RAB20: variants seen among roughly 807,000 people sequenced by gnomAD.
RAB20 encodes the protein RAB20, member RAS oncogene family.
A neutral mutation model predicts 3.7 loss-of-function variants in RAB20; 2 were observed. That is an observed-to-expected ratio of 0.54 (90% CI 0.22 to 1.69). The LOEUF (loss-of-function observed/expected upper bound fraction) is 1.69. Among genes scored for constraint, RAB20 ranks in the 40% most tolerant of loss-of-function variants. The pLI, the probability that RAB20 is intolerant of heterozygous loss-of-function variation, is 0.19. For synonymous variants in RAB20, 126 were observed against 130.8 expected, an observed-to-expected ratio of 0.96 and a Z score of 0.25; for missense variants, 276 against 311.9, an observed-to-expected ratio of 0.88 and a Z score of 0.87.
chr13:110,542,161 G>A (rs746013791), intron 1 of RAB20, among the ~76,000 whole-genome samples: 9 of 152,098 alleles, frequency 5.9e-5, no homozygotes, highest in East Asian at 1.9e-4. Context: ...TAATCAGAAC[G>A]CTTGCTGTAT....
intron 1 of RAB20, among the ~76,000 whole-genome samples, chr13:110,558,727 T>A (rs1289443363): frequency 2.3e-4 from 27 of 116,760 alleles, no homozygotes; most frequent in African/African-American, 7.4e-4. Flanking sequence ...TGAGACAGAG[T>A]CTCGCTCTGT....
At chr13:110,553,253 C>T (rs3886455) in intron 1 of RAB20, among the ~76,000 whole-genome samples, 2 of 152,188 alleles carry the variant, frequency 1.3e-5, no homozygotes, top group East Asian at 1.9e-4. Context: ...ATCTTTTGTT[C>T]AGTAGGAGCT....
At chr13:110,552,393 AT>A (rs1884967917) in intron 1 of RAB20, among the ~76,000 whole-genome samples, 1 of 146,346 alleles carries the variant, frequency 6.8e-6, no homozygotes. Context: ...AAAAAAAAAA[AT>A]TAAAAATAAA....
At chr13:110,524,716 G>A (rs1459489004) in intron 1 of RAB20, among the ~76,000 whole-genome samples, 1 of 152,188 alleles carries the variant, frequency 6.6e-6, no homozygotes. Context: ...GAAGTGCTGC[G>A]GGGAGGGCTT....
rs1164445964 is a variant in RAB20, at chr13:110,536,721, T to TTGGGCGGGGG, written c.173-12525_173-12524insCCCCCGCCCA. ...AGGAATATCTAAAATGGCTTTTTTT[T>TTGGGCGGGGG]GGGGCGGTGGGGGGGGGTTGTTTTT... is the stretch of plus-strand genomic sequence containing the variant. On this transcript the variant is annotated intron_variant, in intron 1 of 1. Transcript: ENST00000267328. Among the ~76,000 whole-genome samples the TTGGGCGGGGG allele has an allele frequency of 2.7e-4, 2 of 7,456 alleles. 1 individual carries two copies. The highest frequency in any genetic ancestry group is 4.5e-4 in the Non-Finnish European group (2 of 4,454). The allele number at this position is 7,456 out of a possible 152,430, so 4.9% of individuals were successfully genotyped here.
At chr13:110,529,278 G>A (rs571097958) in intron 1 of RAB20, among the ~76,000 whole-genome samples, 6 of 152,214 alleles carry the variant, frequency 3.9e-5, no homozygotes, top group African/African-American at 7.2e-5. Flanking sequence ...GAGCCGGGCC[G>A]TCAGCCCCCT....
rs1885073003 is a variant in RAB20 at position 110,558,335 on chromosome 13, G to A, written c.172+3013C>T. ...AATGAGACAAGGTGAGTTGGAGTTG[G>A]ATGAACCAAGGTCTAAATCCCACTT... On this transcript the variant is annotated intron_variant, in intron 1 of 1. Transcript: ENST00000267328. Among the ~76,000 whole-genome samples the A allele has an allele frequency of 2.0e-5, 3 of 151,558 alleles. No homozygotes were observed. In the South Asian group the frequency reaches 6.3e-4, roughly 32 times the overall value.
At position 110,555,968 on chromosome 13, in the gene RAB20, GT is replaced by G. The variant is rs1195826958; in HGVS notation, c.172+5379del. Among the ~76,000 whole-genome samples, 7 of 152,208 alleles carry G rather than the reference GT, an allele frequency of 4.6e-5. 1 individual carries two copies. Among genetic ancestry groups the G allele is most frequent in the Admixed American group, 1.3e-4 (2 of 15,276 alleles). On this transcript the variant is annotated intron_variant, in intron 1 of 1. Coordinates refer to ENST00000267328, the MANE Select transcript of RAB20 (RefSeq NM_017817.3). This position sits in a 1 kb window ranked among gnomAD's most constrained non-coding sequence, Gnocchi z 4.0. ...CAGGCACCCAAGGCCAGGAGACAAT[GT>G]TTGTTTAGCAAAACTCACATGGTAC...
chr13:110,523,180 A>G lies in RAB20; in HGVS notation c.*485T>C. 1 of 403,194 alleles carries G rather than the reference A, an allele frequency of 2.5e-6. No individual in the cohort carries two copies. Among genetic ancestry groups the G allele is most frequent in the Non-Finnish European group, 4.4e-6 (1 of 229,314 alleles). The allele number at this position is 403,194 out of a possible 1,614,324, so 25.0% of individuals were successfully genotyped here. ...AATGAACACGTCGAGAGTCAGGATT[A>G]TAAAGCATCAAGATACAAGTACCAA... On this transcript the variant is annotated 3_prime_UTR_variant, in exon 2 of 2. Coordinates refer to ENST00000267328, the MANE Select transcript of RAB20 (RefSeq NM_017817.3).
At position 110,523,568 on chromosome 13, in the gene RAB20, A is replaced by C. The variant is rs907538326; in HGVS notation, c.*97T>G. The C allele has an allele frequency of 3.5e-5, 53 of 1,512,112 alleles. No individual in the cohort carries two copies. The African/African-American group carries it at 6.5e-4, about 19-fold the overall frequency. 93.7% of individuals were successfully genotyped at this position (1,512,112 alleles called of 1,614,324 possible). ...TCTGCTGCGGGTGTCATTCTGGAAAATAATTCCTTGCTGTTCCTTGCTCCT... is the reference window on the plus strand; with the variant it reads ...TCTGCTGCGGGTGTCATTCTGGAAACTAATTCCTTGCTGTTCCTTGCTCCT... On this transcript the variant is annotated 3_prime_UTR_variant, in exon 2 of 2. Transcript: ENST00000267328.
At chr13:110,554,181 A>G (rs1218176668) in intron 1 of RAB20, among the ~76,000 whole-genome samples, 3 of 152,338 alleles carry the variant, frequency 2.0e-5, no homozygotes, top group East Asian at 3.9e-4. Context: ...CAGGCTGTGC[A>G]TTCACTTTTG....
chr13:110,523,487 G>A lies in RAB20; in HGVS notation c.*178C>T. Reference sequence around the variant, plus strand: ...CCCCACCCCTCTGACAGAGACTGAGGAGACCACACACGTTGACCTCCTCTT... The same window carrying A: ...CCCCACCCCTCTGACAGAGACTGAGAAGACCACACACGTTGACCTCCTCTT... On this transcript the variant is annotated 3_prime_UTR_variant, in exon 2 of 2. Transcript: ENST00000267328. The A allele has an allele frequency of 4.9e-6, 6 of 1,216,748 alleles. No homozygotes were observed. The highest frequency in any genetic ancestry group is 6.7e-6 in the Non-Finnish European group (6 of 899,130). 75.4% of individuals were successfully genotyped at this position (1,216,748 alleles called of 1,614,324 possible). A position where few individuals can be genotyped will look rare whatever the true frequency, so the allele number is the denominator to read the frequency against.
intron 1 of RAB20, among the ~76,000 whole-genome samples, chr13:110,529,514 A>G (rs987286687): frequency 1.3e-5 from 2 of 152,222 alleles, no homozygotes; most frequent in Admixed American, 1.3e-4. Flanking sequence ...CTGGAGAAAT[A>G]AACAGCCTCA....
At chr13:110,554,192 C>T (rs916486883) in intron 1 of RAB20, among the ~76,000 whole-genome samples, 4 of 152,190 alleles carry the variant, frequency 2.6e-5, no homozygotes, top group African/African-American at 9.7e-5. Context: ...TTCACTTTTG[C>T]ACCAATCTCT....
chr13:110,560,589 T>A (rs2139593660), intron 1 of RAB20, among the ~76,000 whole-genome samples: 1 of 152,334 alleles, frequency 6.6e-6, no homozygotes, highest in South Asian at 2.1e-4. Flanking sequence ...AATATCTTAT[T>A]CTTTTGTAAG....
In RAB20 at chr13:110,524,211, A is replaced by C. The variant is rs1365396786; in HGVS notation, c.173-14T>G. On this transcript the variant is annotated splice_polypyrimidine_tract_variant and intron_variant, in intron 1 of 1. Transcript: ENST00000267328. The stretch of plus-strand genomic sequence containing the variant: ...ACTGCTCCCGCCCTGGTGGGAAGAG[A>C]GGGACAGAAAGAGTGGTTATCTCTC... The C allele has an allele frequency of 1.3e-6, 2 of 1,566,366 alleles. No homozygotes were observed. Among genetic ancestry groups the C allele is most frequent in the African/African-American group, 2.7e-5 (2 of 74,100 alleles).
chr13:110,534,120 CA>C (rs1263940063), intron 1 of RAB20, among the ~76,000 whole-genome samples: 1 of 152,214 alleles, frequency 6.6e-6, no homozygotes, highest in Non-Finnish European at 1.5e-5. Flanking sequence ...GCATTTACAT[CA>C]GTGGATGTGA....
chr13:110,543,364 C>CA (rs1884798872), intron 1 of RAB20, among the ~76,000 whole-genome samples: 1 of 152,188 alleles, frequency 6.6e-6, no homozygotes, highest in Non-Finnish European at 1.5e-5. Context: ...CTTCTGGCCT[C>CA]AAGTGATCCT....
rs567499128 is a variant in RAB20, at chr13:110,552,353, TG to T, written c.172+8994del. 5.7e-3 allele frequency among the ~76,000 whole-genome samples: 814 copies of T among 143,602 alleles called. 10 individuals are homozygous for T. The highest frequency in any genetic ancestry group is 0.019 in the African/African-American group (741 of 38,218). The allele number at this position is 143,602 out of a possible 152,430, so 94.2% of individuals were successfully genotyped here. On this transcript the variant is annotated intron_variant, in intron 1 of 1. Coordinates refer to ENST00000267328, the MANE Select transcript of RAB20 (RefSeq NM_017817.3). ...GAGATCGTGCCAGTGCACTCCAGCC[TG>T]GGCAACAGAGTGAGACTCTGTCTCA...
Sources: gnomAD v4.1 joint callset for allele counts (sites outside exome capture counted in the v4.1 genomes callset) on GRCh38, gnomAD v4.1.1 for gene constraint, Gnocchi (gnomAD v3.1) non-coding constraint, MANE v1.5 for transcripts, NCBI Gene and HGNC (gene_info 2026-07-23, HGNC 2026-07-21) for gene names.